RNLS: variants seen among roughly 807,000 people sequenced by gnomAD.
RNLS encodes the protein renalase.
RNLS carries 39 observed loss-of-function variants against 39.8 expected under a neutral mutation model. That is an observed-to-expected ratio of 0.98 (90% CI 0.76 to 1.28). RNLS has a LOEUF of 1.28. Ranked by LOEUF, RNLS falls within the 50% of genes most tolerant of loss-of-function variation. The pLI is 0.00. For missense variants in RNLS, 410 were observed against 413.3 expected, an observed-to-expected ratio of 0.99 and a Z score of 0.07; for synonymous variants, 147 against 150.7, an observed-to-expected ratio of 0.98 and a Z score of 0.18.
chr10:88,538,799 T>C (rs1016054720), intron 4 of RNLS, among the ~76,000 whole-genome samples: 3 of 152,096 alleles, frequency 2.0e-5, no homozygotes, highest in African/African-American at 7.2e-5. Context: ...GGCTGCTGAC[T>C]TGGGCTACGG....
chr10:88,351,543 TG>T (rs903407886), intron 5 of RNLS, among the ~76,000 whole-genome samples: 10 of 152,180 alleles, frequency 6.6e-5, no homozygotes, highest in African/African-American at 2.4e-4. Flanking sequence ...TAGTTGTAGA[TG>T]TGTGGTATTA....
the RNLS span, among the ~76,000 whole-genome samples, chr10:88,242,658 A>G: frequency 6.6e-6 from 1 of 152,222 alleles, no homozygotes; most frequent in Non-Finnish European, 1.5e-5. Context: ...GGCTGTAAAA[A>G]CCATAAGGGA....
the RNLS span, among the ~76,000 whole-genome samples, chr10:88,181,670 A>G: frequency 6.6e-6 from 1 of 152,118 alleles, no homozygotes; most frequent in Non-Finnish European, 1.5e-5. Context: ...GGTCTATGAA[A>G]TTTTCAGACT....
intron 4 of RNLS, among the ~76,000 whole-genome samples, chr10:88,379,152 T>C (rs949954990): frequency 7.2e-5 from 11 of 152,196 alleles, no homozygotes; most frequent in African/African-American, 2.4e-4. Context: ...TACAATCTTA[T>C]AGGACCACTA....
At chr10:88,202,824 C>T in the RNLS span, among the ~76,000 whole-genome samples, 12 of 152,096 alleles carry the variant, frequency 7.9e-5, no homozygotes, top group Non-Finnish European at 1.5e-5. Context: ...TACAGCAAAC[C>T]AAAGCCCTGG....
At chr10:88,514,145 T>C (rs1172015004) in intron 4 of RNLS, among the ~76,000 whole-genome samples, 1 of 151,002 alleles carries the variant, frequency 6.6e-6, no homozygotes, top group Non-Finnish European at 1.5e-5. Flanking sequence ...AAGGTTTAAT[T>C]GACTCATAGT....
intron 4 of RNLS, among the ~76,000 whole-genome samples, chr10:88,524,875 C>T (rs1309744533): frequency 3.4e-5 from 5 of 147,700 alleles, no homozygotes; most frequent in African/African-American, 1.2e-4. Context: ...CACGCTTCAG[C>T]TTATTTTCCC....
At chr10:88,576,971 G>A (rs1850247152) in intron 3 of RNLS, among the ~76,000 whole-genome samples, 1 of 152,114 alleles carries the variant, frequency 6.6e-6, no homozygotes, top group Non-Finnish European at 1.5e-5. Flanking sequence ...AATAAAAGCT[G>A]CTCACTCTGT....
intron 4 of RNLS, among the ~76,000 whole-genome samples, chr10:88,540,094 C>A (rs1847963647): frequency 6.6e-6 from 1 of 152,002 alleles, no homozygotes; most frequent in African/African-American, 2.4e-5. Flanking sequence ...ATTTTGTGAC[C>A]TTGTTAACAC....
At chr10:88,186,339 T>G in the RNLS span, among the ~76,000 whole-genome samples, 1 of 152,098 alleles carries the variant, frequency 6.6e-6, no homozygotes, top group Non-Finnish European at 1.5e-5. Flanking sequence ...CAGGATGGAG[T>G]TAACATCTCC....
intron 4 of RNLS, among the ~76,000 whole-genome samples, chr10:88,438,405 T>A (rs1841531605): frequency 6.6e-6 from 1 of 152,234 alleles, no homozygotes; most frequent in Non-Finnish European, 1.5e-5. Context: ...CTTATTTATG[T>A]ATATTTTAAT....
At chr10:88,551,996 G>A (rs1051966870) in intron 4 of RNLS, among the ~76,000 whole-genome samples, 3 of 152,180 alleles carry the variant, frequency 2.0e-5, no homozygotes, top group Non-Finnish European at 4.4e-5. Context: ...TTGAGTGCCA[G>A]GCACATAACG....
At chr10:88,199,002 C>G in the RNLS span, among the ~76,000 whole-genome samples, 1 of 152,144 alleles carries the variant, frequency 6.6e-6, no homozygotes, top group African/African-American at 2.4e-5. Flanking sequence ...CTCATTCCAC[C>G]ATTTTGGCCC....
the RNLS span, among the ~76,000 whole-genome samples, chr10:88,232,979 C>T: frequency 5.9e-5 from 9 of 152,320 alleles, no homozygotes; most frequent in African/African-American, 1.4e-4. Flanking sequence ...TCAACTCACC[C>T]GTGAGCATCC....
chr10:88,476,754 CT>C (rs1180016421), intron 4 of RNLS, among the ~76,000 whole-genome samples: 1 of 152,098 alleles, frequency 6.6e-6, no homozygotes, highest in Non-Finnish European at 1.5e-5. Context: ...TGGTCAAATT[CT>C]TTTCATTATC....
intron 4 of RNLS, among the ~76,000 whole-genome samples, chr10:88,506,879 G>A (rs1318390157): frequency 1.3e-5 from 2 of 152,148 alleles, no homozygotes; most frequent in African/African-American, 2.4e-5. Context: ...CACTGAAGTG[G>A]CAGAGTGGAG....
intron 4 of RNLS, among the ~76,000 whole-genome samples, chr10:88,440,854 G>A (rs1483793982): frequency 6.6e-6 from 1 of 152,212 alleles, no homozygotes; most frequent in Admixed American, 6.5e-5. Context: ...ACTAGTTAGT[G>A]TCCCCTTAGT....
At chr10:88,536,976 T>C (rs1847794144) in intron 4 of RNLS, among the ~76,000 whole-genome samples, 1 of 152,150 alleles carries the variant, frequency 6.6e-6, no homozygotes, top group African/African-American at 2.4e-5. Context: ...CAAATGTCAG[T>C]GAATAAATGA....
chr10:88,295,900 G>C lies in RNLS; in HGVS notation c.877-10394C>G, dbSNP rs565488126. Among the ~76,000 whole-genome samples the C allele has an allele frequency of 8.5e-5, 13 of 152,196 alleles. No individual in the cohort carries two copies. The South Asian group carries it at 1.0e-3, about 12-fold the overall frequency. Reference sequence around the variant, plus strand: ...AAACACTGGAGCAAACTCTTTTGACGAGGACTTGTTCAGAAGAAGCACACA... The same window carrying C: ...AAACACTGGAGCAAACTCTTTTGACCAGGACTTGTTCAGAAGAAGCACACA... On this transcript the variant is annotated intron_variant, in intron 6 of 6. Coordinates refer to ENST00000331772, the MANE Select transcript of RNLS (RefSeq NM_001031709.3).
Sources: gnomAD v4.1 joint callset for allele counts (sites outside exome capture counted in the v4.1 genomes callset) on GRCh38, gnomAD v4.1.1 for gene constraint, MANE v1.5 for transcripts, NCBI Gene and HGNC (gene_info 2026-07-23, HGNC 2026-07-21) for gene names.